The following VPS39 variants were observed in gnomAD, a reference collection of about 807,000 sequenced individuals.
VPS39 encodes the protein VPS39 subunit of HOPS complex.
In VPS39, 70 loss-of-function variants were observed where a neutral mutation model predicts 121.0. The observed-to-expected ratio is 0.58, with a 90% CI of 0.48 to 0.71. The LOEUF (loss-of-function observed/expected upper bound fraction) is 0.71. Ranked by LOEUF, VPS39 falls within the 30% of genes least tolerant of loss-of-function variation. The probability of loss-of-function intolerance (pLI) is 0.00; values close to 1 mark genes in which losing one functional copy is unlikely to be tolerated. For synonymous variants in VPS39, 378 were observed against 398.1 expected, an observed-to-expected ratio of 0.95 and a Z score of 0.60; for missense variants, 818 against 1,051.5, an observed-to-expected ratio of 0.78 and a Z score of 3.07.
chr15:42,166,012 GCTGGCTCGCGCTT>G, intron 16 of VPS39, 134 bp downstream of exon 16: 1 of 952,110 alleles, frequency 1.1e-6, no homozygotes, highest in South Asian at 1.5e-5. Context: ...CAACTACAGT[GCTGGCTCGCGCTT>G]CCCAGTCCAC....
At chr15:42,206,885 ACT>A (rs2050184885) in intron 1 of VPS39, among the ~76,000 whole-genome samples, 1 of 152,176 alleles carries the variant, frequency 6.6e-6, no homozygotes, top group African/African-American at 2.4e-5. Context: ...TCATTTAAAA[ACT>A]TTTTCTCCTC....
chr15:42,199,554 G>A, intron 2 of VPS39: 1 of 461,232 alleles, frequency 2.2e-6, no homozygotes, highest in South Asian at 1.6e-5. Flanking sequence ...CATATATACA[G>A]GAAGCTTATG....
At chr15:42,207,348 G>A (rs1183849465) in intron 1 of VPS39, among the ~76,000 whole-genome samples, 1 of 152,172 alleles carries the variant, frequency 6.6e-6, no homozygotes, top group Admixed American at 6.5e-5. Context: ...TCACGGATAA[G>A]AGCACAATGT....
intron 21 of VPS39, among the ~76,000 whole-genome samples, chr15:42,162,843 T>C (rs754436314): frequency 6.6e-6 from 1 of 152,228 alleles, no homozygotes; most frequent in Non-Finnish European, 1.5e-5. Context: ...AGATGCTGCA[T>C]TGCCTACTGG....
intron 12 of VPS39, among the ~76,000 whole-genome samples, chr15:42,168,675 C>A (rs1380069845): frequency 6.6e-6 from 1 of 152,028 alleles, no homozygotes; most frequent in Non-Finnish European, 1.5e-5. Flanking sequence ...TCCTGAATAG[C>A]TGGGATTACA....
intron 10 of VPS39, among the ~76,000 whole-genome samples, chr15:42,176,528 T>G (rs1005940792): frequency 6.6e-6 from 1 of 152,048 alleles, no homozygotes; most frequent in African/African-American, 2.4e-5. Flanking sequence ...GGTAGGATGG[T>G]GAGTTCATGG....
In VPS39 at chr15:42,166,929, G is replaced by A. The variant is rs1486109773; in HGVS notation, c.1378-16C>T. The A allele has an allele frequency of 1.2e-6, 2 of 1,613,718 alleles. No individual in the cohort carries two copies. The highest frequency in any genetic ancestry group is 1.7e-6 in the Non-Finnish European group (2 of 1,179,936). The stretch of plus-strand genomic sequence containing the variant: ...CCACATTTGTCTGCAGAAAGAGCAG[G>A]AGTTCAGTGGAAACTGCTTCCTGGG... On this transcript the variant is annotated splice_polypyrimidine_tract_variant and intron_variant, in intron 13 of 24. Coordinates refer to ENST00000318006, the MANE Select transcript of VPS39 (RefSeq NM_015289.5).
At chr15:42,189,794 C>CTTTTTTTT (rs34353468) in intron 4 of VPS39, among the ~76,000 whole-genome samples, 1 of 34,026 alleles carries the variant, frequency 2.9e-5, no homozygotes, top group African/African-American at 9.0e-5. Context: ...CCAAAACACT[C>CTTTTTTTT]TTTTTTTTTT....
At chr15:42,164,545 T>C (rs955617794) in intron 18 of VPS39, 59 bp from the exon 19 acceptor site, 11 of 1,595,744 alleles carry the variant, frequency 6.9e-6, no homozygotes, top group Non-Finnish European at 9.4e-6. Flanking sequence ...TGTAGGGTCA[T>C]CAAGAAAAAT....
In VPS39 at chr15:42,178,507, G is replaced by C. The variant is rs755366052; in HGVS notation, c.782C>G (p.Pro261Arg). The stretch of plus-strand genomic sequence containing the variant: ...TTCAATGCTTTGGACCAGAAGCCTC[G>C]GTTCAAATGTTCGGATCTCAACATA... ...PRYVEIRTFEPRLLVQSIELQ... is the reference protein window; with the variant it reads ...PRYVEIRTFERRLLVQSIELQ... Residue 261 changes from proline to arginine, a missense_variant, in exon 9 of 25, where the codon CCG becomes CGG. Physicochemically the swap from Pro to Arg is moderately radical, Grantham distance 103. Coordinates refer to ENST00000318006, the MANE Select transcript of VPS39 (RefSeq NM_015289.5). The C allele has an allele frequency of 6.2e-7, 1 of 1,613,998 alleles. No homozygotes were observed. The highest frequency in any genetic ancestry group is 1.3e-5 in the African/African-American group (1 of 74,896).
At chr15:42,188,165 T>A (rs1302604221) in intron 5 of VPS39, among the ~76,000 whole-genome samples, 1 of 152,194 alleles carries the variant, frequency 6.6e-6, no homozygotes, top group Non-Finnish European at 1.5e-5. Flanking sequence ...TCCCTCCTTT[T>A]TGCTCTTAAA....
intron 20 of VPS39, 66 bp from the exon 21 acceptor site, chr15:42,163,461 G>C: frequency 4.4e-6 from 7 of 1,601,314 alleles, no homozygotes; most frequent in Non-Finnish European, 6.0e-6. Context: ...GAGGCTGTGC[G>C]TGCAGCCTGC....
intron 8 of VPS39, among the ~76,000 whole-genome samples, chr15:42,179,801 T>C (rs2049543913): frequency 6.6e-6 from 1 of 152,118 alleles, no homozygotes; most frequent in Non-Finnish European, 1.5e-5. Context: ...GGTTTGGCTA[T>C]TTTTATTCCC....
chr15:42,177,349 C>T (rs749500826), intron 10 of VPS39, among the ~76,000 whole-genome samples: 3 of 152,106 alleles, frequency 2.0e-5, no homozygotes, highest in Non-Finnish European at 4.4e-5. Context: ...CAGACTCTGA[C>T]ATCAACATTG....
Position 42,160,636 on chromosome 15 carries a change from G to A in VPS39, c.*118C>T, listed in dbSNP as rs549749218. ...GTTGTTCCAGGGCACAAGATAGCCA[G>A]TAATGTCCAAATGGGGAGCCTTGTG... is the stretch of plus-strand genomic sequence containing the variant. On this transcript the variant is annotated 3_prime_UTR_variant, in exon 25 of 25. Coordinates refer to ENST00000318006, the MANE Select transcript of VPS39 (RefSeq NM_015289.5). 8.0e-6 allele frequency: 7 copies of A among 879,406 alleles called. No homozygotes were observed. The highest frequency in any genetic ancestry group is 7.7e-6 in the Non-Finnish European group (4 of 521,292). 54.5% of individuals were successfully genotyped at this position (879,406 alleles called of 1,614,324 possible).
chr15:42,163,893 G>A (rs1448720840), intron 19 of VPS39, among the ~76,000 whole-genome samples, 165 bp from the exon 20 acceptor site: 1 of 152,150 alleles, frequency 6.6e-6, no homozygotes, highest in Admixed American at 6.5e-5. Context: ...TTTAAAAAAG[G>A]GGGAGGGAGC....
At chr15:42,197,830 C>G (rs1055408513) in intron 2 of VPS39, among the ~76,000 whole-genome samples, 2 of 152,110 alleles carry the variant, frequency 1.3e-5, no homozygotes, top group Non-Finnish European at 2.9e-5. Context: ...CTTGAAATAT[C>G]TCAAATCTGG....
At chr15:42,164,794 TCA>T in intron 18 of VPS39, 200 bp downstream of exon 18, 1 of 1,433,016 alleles carries the variant, frequency 7.0e-7, no homozygotes, top group African/African-American at 1.4e-5. Context: ...TCTGAGACAC[TCA>T]GAGATGCCAG....
chr15:42,202,829 A>T (rs1331179022), intron 1 of VPS39, among the ~76,000 whole-genome samples: 1 of 152,076 alleles, frequency 6.6e-6, no homozygotes, highest in African/African-American at 2.4e-5. Context: ...CATTCACTCC[A>T]TGCATTCTCT....
Sources: allele counts gnomAD v4.1 joint callset (sites outside exome capture counted in the v4.1 genomes callset), GRCh38; gene constraint gnomAD v4.1.1; transcripts MANE v1.5; gene names NCBI Gene and HGNC (gene_info 2026-07-23, HGNC 2026-07-21).